ZNF33B: variants seen among roughly 807,000 people sequenced by gnomAD.
The protein encoded by ZNF33B is zinc finger protein 33B.
Under a neutral mutation model 45.8 loss-of-function variants are expected in ZNF33B, and 29 were observed. That is an observed-to-expected ratio of 0.63 (90% confidence interval 0.47 to 0.86). ZNF33B has a LOEUF of 0.86. Ranked by LOEUF, ZNF33B falls within the 40% of genes least tolerant of loss-of-function variation. The probability of loss-of-function intolerance (pLI) is 0.00; values close to 1 mark genes in which losing one functional copy is unlikely to be tolerated. For synonymous variants in ZNF33B, 305 were observed against 307.8 expected (o/e 0.99, Z 0.10); for missense variants, 831 against 909.9 (o/e 0.91, Z 1.12).
intron 4 of ZNF33B, among the ~76,000 whole-genome samples, chr10:42,604,194 CA>C (rs1323211799): frequency 6.6e-6 from 1 of 152,148 alleles, no homozygotes; most frequent in Non-Finnish European, 1.5e-5. Flanking sequence ...CCTGTAATCC[CA>C]ATACTTTGGG....
At chr10:42,576,290 C>A (rs1442330551) in intron 1 of ZNF33B, among the ~76,000 whole-genome samples, 1 of 152,142 alleles carries the variant, frequency 6.6e-6, no homozygotes, top group Non-Finnish European at 1.5e-5. Flanking sequence ...CGCCCGGCCA[C>A]AATATTATTT....
chr10:42,595,163 C>T (rs1457950976), intron 4 of ZNF33B, among the ~76,000 whole-genome samples: 3 of 152,110 alleles, frequency 2.0e-5, no homozygotes, highest in African/African-American at 7.2e-5. Flanking sequence ...AAGTGACAGC[C>T]CATGCCTACA....
rs1259988931 is a variant in ZNF33B at position 42,589,681 on chromosome 10, T to C, written c.*2932A>G. On this transcript the variant is annotated 3_prime_UTR_variant, in exon 5 of 5. Transcript: ENST00000359467. ...ATTCTACAACCCTGCTATAATTGCT[T>C]ATTAATGTCAGCAGGTTTTTGTTAT... 1 of 152,254 alleles carries C rather than the reference T, an allele frequency of 6.6e-6. No individual in the cohort carries two copies. Among genetic ancestry groups the C allele is most frequent in the Non-Finnish European group, 1.5e-5 (1 of 68,038 alleles). 9.4% of individuals were successfully genotyped at this position (152,254 alleles called of 1,614,324 possible).
chr10:42,597,359 A>G (rs569436489), intron 4 of ZNF33B, among the ~76,000 whole-genome samples: 1 of 152,120 alleles, frequency 6.6e-6, no homozygotes, highest in Non-Finnish European at 1.5e-5. Flanking sequence ...TGTAATAGGT[A>G]TAATAGTAAC....
intron 4 of ZNF33B, among the ~76,000 whole-genome samples, chr10:42,595,426 G>GT (rs1456045784): frequency 7.2e-5 from 11 of 152,232 alleles, no homozygotes; most frequent in African/African-American, 2.6e-4. Context: ...AGAGGACAGA[G>GT]TAATCACAGA....
At chr10:42,580,849 G>A (rs1343286703) in intron 1 of ZNF33B, among the ~76,000 whole-genome samples, 4 of 151,570 alleles carry the variant, frequency 2.6e-5, no homozygotes, top group African/African-American at 7.3e-5. Flanking sequence ...AGCTAAGATC[G>A]CGCCACTGCA....
chr10:42,617,092 CTTTTTTTTTTTTTTT>C (rs199977911), intron 4 of ZNF33B, among the ~76,000 whole-genome samples: 4 of 61,196 alleles, frequency 6.5e-5, no homozygotes, highest in South Asian at 1.5e-3. Flanking sequence ...CATTTTTTCT[CTTTTTTTTTTTTTTT>C]TTTTTTTTTT....
chr10:42,606,164 C>CA (rs950370510), intron 4 of ZNF33B, among the ~76,000 whole-genome samples: 12 of 149,840 alleles, frequency 8.0e-5, no homozygotes, highest in Non-Finnish European at 1.5e-4. Context: ...AAGAATAAAG[C>CA]AAAAAAAATA....
chr10:42,632,368 C>T lies in ZNF33B; in HGVS notation c.81G>A (p.Gln27=), dbSNP rs769824655. ...GAGCCCTCTGACTAGGGTCCAGGTG[C>T]TGCCACTCCTCCTGGGTGAAGCCCA... ...VTVGFTQEEW[Q]HLDPSQRALY... is the part of the protein sequence containing the mutation. The change falls in exon 3 of 5, where the codon CAG becomes CAA. Residue 27 remains glutamine, a synonymous_variant. Transcript: ENST00000359467. The T allele has an allele frequency of 6.2e-6, 10 of 1,613,664 alleles. No individual in the cohort carries two copies. The Admixed American group carries it at 8.4e-5, about 13-fold the overall frequency.
intron 4 of ZNF33B, among the ~76,000 whole-genome samples, chr10:42,624,124 GGAGA>G (rs1838703164): frequency 6.6e-6 from 1 of 152,140 alleles, no homozygotes; most frequent in South Asian, 2.1e-4. Context: ...CTACGCACAT[GGAGA>G]GTGAGGAAGC....
At position 42,593,288 on chromosome 10, in the gene ZNF33B, T is replaced by C. The variant is rs1439653191; in HGVS notation, c.1662A>G (p.Ala554=). 6.8e-6 allele frequency: 11 copies of C among 1,614,068 alleles called. No homozygotes were observed. The highest frequency in any genetic ancestry group is 1.3e-5 in the African/African-American group (1 of 75,006). Residue 554 remains alanine (A), a synonymous_variant, in exon 5 of 5, where the codon GCA becomes GCG. Coordinates refer to ENST00000359467, the MANE Select transcript of ZNF33B (RefSeq NM_006955.3). ...QRTHTGEKPF[A]CPECGKFFSH... ...TAAAGAATTTCCCACATTCAGGACA[T>C]GCAAAGGGTTTCTCCCCTGTGTGCG... is the stretch of plus-strand genomic sequence containing the variant.
intron 4 of ZNF33B, among the ~76,000 whole-genome samples, chr10:42,600,416 A>G (rs534509963): frequency 6.6e-6 from 1 of 152,274 alleles, no homozygotes; most frequent in African/African-American, 2.4e-5. Flanking sequence ...AATGATCTCT[A>G]TCAATATGAA....
chr10:42,603,526 A>G (rs1369433884), intron 4 of ZNF33B, among the ~76,000 whole-genome samples: 1 of 152,188 alleles, frequency 6.6e-6, no homozygotes, highest in East Asian at 1.9e-4. Context: ...ACAAATACAT[A>G]CACAGATTTT....
chr10:42,628,926 T>C (rs1026361709), intron 4 of ZNF33B, among the ~76,000 whole-genome samples: 1 of 152,192 alleles, frequency 6.6e-6, no homozygotes, highest in African/African-American at 2.4e-5. Context: ...AAAGTAGAGC[T>C]ATCATATAAT....
intron 2 of ZNF33B, among the ~76,000 whole-genome samples, chr10:42,635,069 C>T (rs1484528131): frequency 2.0e-5 from 3 of 151,816 alleles, no homozygotes; most frequent in Non-Finnish European, 4.4e-5. Context: ...CAAGTGAAAC[C>T]CCATCTCTAT....
intron 2 of ZNF33B, among the ~76,000 whole-genome samples, chr10:42,633,439 G>C (rs984234365): frequency 6.6e-6 from 1 of 152,092 alleles, no homozygotes; most frequent in African/African-American, 2.4e-5. Flanking sequence ...AACAGCAAAG[G>C]ACAAAACAAC....
chr10:42,631,807 C>T (rs1398617936), intron 4 of ZNF33B, 122 bp downstream of exon 4: 3 of 784,398 alleles, frequency 3.8e-6, no homozygotes, highest in African/African-American at 3.5e-5. Context: ...CCATCACTTC[C>T]AGAGGTTAGG....
rs1184977665 is a variant in ZNF33B, at chr10:42,593,129, T to C, written c.1821A>G (p.Lys607=). The part of the protein sequence containing the change: ...TKHNRTHTGE[K]PYECNECGKT... ...TTCCACATTCATTACATTCATAGGG[T>C]TTCTCCCCTGTATGTGTTCTATTAT... The change falls in exon 5 of 5, where the codon AAA becomes AAG. Residue 607 remains lysine, a synonymous_variant. Coordinates refer to ENST00000359467, the MANE Select transcript of ZNF33B (RefSeq NM_006955.3). 1 of 1,613,704 alleles carries C rather than the reference T, an allele frequency of 6.2e-7. No individual in the cohort carries two copies. Among genetic ancestry groups the C allele is most frequent in the African/African-American group, 1.3e-5 (1 of 74,846 alleles).
At chr10:42,627,123 C>T (rs2132147061) in intron 4 of ZNF33B, among the ~76,000 whole-genome samples, 1 of 151,826 alleles carries the variant, frequency 6.6e-6, no homozygotes, top group Middle Eastern at 3.4e-3. Context: ...CCTGCCTCAG[C>T]CTCCTGAGTA....
Sources: allele counts gnomAD v4.1 joint callset (sites outside exome capture counted in the v4.1 genomes callset), GRCh38; gene constraint gnomAD v4.1.1; transcripts MANE v1.5; gene names NCBI Gene and HGNC (gene_info 2026-07-23, HGNC 2026-07-21).